MACROD2: variants seen among roughly 807,000 people sequenced by gnomAD.
MACROD2 encodes the protein ADP-ribose glycohydrolase MACROD2.
A neutral mutation model predicts 70.4 loss-of-function variants in MACROD2; 36 were observed. The ratio of observed to expected loss-of-function variants is 0.51; its 90% CI spans 0.39 to 0.68. MACROD2 has a LOEUF of 0.68. MACROD2 is among the 30% of genes least tolerant of loss of function. The pLI, the probability that MACROD2 is intolerant of heterozygous loss-of-function variation, is 0.00. For synonymous variants in MACROD2, 172 were observed against 178.8 expected (o/e 0.96, Z 0.30); for missense variants, 496 against 538.4 (o/e 0.92, Z 0.78).
At chr20:15,150,782 A>G (rs1267946092) in intron 5 of MACROD2, among the ~76,000 whole-genome samples, 2 of 151,972 alleles carry the variant, frequency 1.3e-5, no homozygotes, top group Non-Finnish European at 2.9e-5. Flanking sequence ...CAGAATGTTT[A>G]GTTAAAGTGT....
At chr20:14,102,752 G>A (rs1240370723) in intron 3 of MACROD2, among the ~76,000 whole-genome samples, 1 of 152,142 alleles carries the variant, frequency 6.6e-6, no homozygotes, top group Non-Finnish European at 1.5e-5. Flanking sequence ...GATATAGGAT[G>A]GGGATTGGGA....
chr20:14,971,106 A>G (rs572804672), intron 5 of MACROD2, among the ~76,000 whole-genome samples: 9 of 152,286 alleles, frequency 5.9e-5, no homozygotes, highest in African/African-American at 1.2e-4. Flanking sequence ...TAGACTTTCA[A>G]TCAGTCAGTA....
In MACROD2 at chr20:14,069,088, A is replaced by C. The variant is rs142437058; in HGVS notation, c.164-16533A>C. 7.9e-5 allele frequency among the ~76,000 whole-genome samples: 12 copies of C among 152,238 alleles called. No homozygotes were observed. The East Asian group carries it at 2.3e-3, about 29-fold the overall frequency. On this transcript the variant is annotated intron_variant, in intron 2 of 17. Coordinates refer to ENST00000684519, the MANE Select transcript of MACROD2 (RefSeq NM_001351661.2). Reference sequence around the variant, plus strand: ...CTCAGCCTCCCAAGTAGCTGGGATTACAGGCCCCCGCCATCGTGCTCAGCT... The same window carrying C: ...CTCAGCCTCCCAAGTAGCTGGGATTCCAGGCCCCCGCCATCGTGCTCAGCT...
chr20:14,303,381 G>A (rs766293137), intron 3 of MACROD2, among the ~76,000 whole-genome samples: 14 of 152,086 alleles, frequency 9.2e-5, no homozygotes, highest in Non-Finnish European at 1.9e-4. Flanking sequence ...GTGGTAGAAG[G>A]GCCACATCCA....
At chr20:15,817,403 T>A (rs2063888406) in intron 8 of MACROD2, among the ~76,000 whole-genome samples, 1 of 152,196 alleles carries the variant, frequency 6.6e-6, no homozygotes, top group Non-Finnish European at 1.5e-5. Flanking sequence ...CCTCCCTGAA[T>A]GTGCCCACCA....
At chr20:14,990,509 CTTTTTCTTTTTTTTTTTT>C (rs2074892322) in intron 5 of MACROD2, among the ~76,000 whole-genome samples, 1 of 142,270 alleles carries the variant, frequency 7.0e-6, no homozygotes, top group South Asian at 2.2e-4. Context: ...TTTTTTTTTT[CTTTTTCTTTTTTTTTTTT>C]TTTTGAGATG....
chr20:15,293,665 C>T (rs2077561047), intron 6 of MACROD2, among the ~76,000 whole-genome samples: 2 of 152,146 alleles, frequency 1.3e-5, no homozygotes, highest in South Asian at 4.1e-4. Flanking sequence ...AGCAGGTATC[C>T]AGGGCCCTGT....
chr20:14,431,514 C>T (rs992127732), intron 3 of MACROD2, among the ~76,000 whole-genome samples: 3 of 152,034 alleles, frequency 2.0e-5, no homozygotes, highest in Non-Finnish European at 4.4e-5. Context: ...ACATAATATC[C>T]ATGAGATCCA....
chr20:15,121,965 A>G (rs1451351135), intron 5 of MACROD2, among the ~76,000 whole-genome samples: 1 of 152,154 alleles, frequency 6.6e-6, no homozygotes, highest in African/African-American at 2.4e-5. Context: ...GTAGGGAGTT[A>G]CTCAAACATA....
intron 5 of MACROD2, among the ~76,000 whole-genome samples, chr20:14,890,030 A>G (rs1471857985): frequency 6.6e-6 from 1 of 152,172 alleles, no homozygotes; most frequent in Non-Finnish European, 1.5e-5. Context: ...TTTTGAAGAT[A>G]GAACCAACAG....
At chr20:14,666,915 T>C (rs917838312) in intron 4 of MACROD2, among the ~76,000 whole-genome samples, 3 of 151,690 alleles carry the variant, frequency 2.0e-5, no homozygotes, top group African/African-American at 7.3e-5. Context: ...GTCCACATTA[T>C]GTGACCTGAC....
intron 8 of MACROD2, among the ~76,000 whole-genome samples, chr20:15,502,197 A>G (rs952262226): frequency 9.2e-5 from 14 of 152,232 alleles, no homozygotes; most frequent in Non-Finnish European, 1.6e-4. Flanking sequence ...ATGTGTTTTT[A>G]GGTAGACGTG....
intron 5 of MACROD2, among the ~76,000 whole-genome samples, chr20:15,191,916 GTATA>G (rs747272073): frequency 1.6e-5 from 1 of 63,412 alleles, no homozygotes; most frequent in Non-Finnish European, 3.2e-5. Flanking sequence ...ACACATATGT[GTATA>G]TATATATATA....
chr20:15,179,702 C>T lies in MACROD2; in HGVS notation c.419-50238C>T, dbSNP rs952929227. On this transcript the variant is annotated intron_variant, in intron 5 of 17. Coordinates refer to ENST00000684519, the MANE Select transcript of MACROD2 (RefSeq NM_001351661.2). ...CACAGGGACTCTGGGTACTCTTTTTCCCTCCTACCTATGAATTACAGCATG... is the reference window on the plus strand; with the variant it reads ...CACAGGGACTCTGGGTACTCTTTTTTCCTCCTACCTATGAATTACAGCATG... 5.3e-5 allele frequency among the ~76,000 whole-genome samples: 8 copies of T among 152,172 alleles called. No individual in the cohort carries two copies. In the East Asian group the frequency reaches 1.3e-3, roughly 26 times the overall value.
chr20:14,186,591 A>G (rs371210298), intron 3 of MACROD2, among the ~76,000 whole-genome samples: 5 of 152,216 alleles, frequency 3.3e-5, no homozygotes, highest in African/African-American at 1.2e-4. Flanking sequence ...CAATCCCATT[A>G]CTGGGTATAT....
At chr20:14,721,908 C>T (rs1481760764) in intron 5 of MACROD2, among the ~76,000 whole-genome samples, 2 of 152,126 alleles carry the variant, frequency 1.3e-5, no homozygotes, top group Admixed American at 1.3e-4. Context: ...TCTTAAGGAA[C>T]CGTGTGGTAG....
At chr20:15,741,737 A>G (rs1418164862) in intron 8 of MACROD2, among the ~76,000 whole-genome samples, 1 of 151,960 alleles carries the variant, frequency 6.6e-6, no homozygotes, top group Non-Finnish European at 1.5e-5. Context: ...CACACACAAG[A>G]TATCATTTTC....
intron 5 of MACROD2, among the ~76,000 whole-genome samples, chr20:15,003,737 A>G (rs1225828213): frequency 6.6e-6 from 1 of 152,200 alleles, no homozygotes. Context: ...ATGTAAGGCT[A>G]CAGGCTGGAG....
intron 15 of MACROD2, among the ~76,000 whole-genome samples, chr20:16,031,920 G>C (rs1042881910): frequency 6.6e-6 from 1 of 152,104 alleles, no homozygotes; most frequent in Non-Finnish European, 1.5e-5. Context: ...GAGAGAGAAT[G>C]AAAGAGATGG....
Sources: gnomAD v4.1 joint callset for allele counts (sites outside exome capture counted in the v4.1 genomes callset) on GRCh38, gnomAD v4.1.1 for gene constraint, MANE v1.5 for transcripts, NCBI Gene and HGNC (gene_info 2026-07-23, HGNC 2026-07-21) for gene names.